Variants in EPB41L3 observed in about 807,000 individuals in gnomAD.
EPB41L3 encodes band 4.1-like protein 3.
EPB41L3 carries 57 observed loss-of-function variants against 127.1 expected under a neutral mutation model. That is an observed-to-expected ratio of 0.45 (90% CI 0.36 to 0.56). The LOEUF is 0.56. Ranked by LOEUF, EPB41L3 falls within the 20% of genes least tolerant of loss-of-function variation. EPB41L3 has a pLI of 0.00. For synonymous variants in EPB41L3, 572 were observed against 549.5 expected, an observed-to-expected ratio of 1.04 and a Z score of -0.57; for missense variants, 1,273 against 1,372.2, an observed-to-expected ratio of 0.93 and a Z score of 1.14.
At chr18:5,526,997 A>G (rs138348311) in intron 1 of EPB41L3, among the ~76,000 whole-genome samples, 7 of 148,312 alleles carry the variant, frequency 4.7e-5, no homozygotes, top group African/African-American at 1.8e-4. Flanking sequence ...AAGACAATAG[A>G]ATATTCATTG....
chr18:5,606,516 G>T (rs1437431008), intron 3 of EPB41L3, among the ~76,000 whole-genome samples: 1 of 152,134 alleles, frequency 6.6e-6, no homozygotes, highest in Non-Finnish European at 1.5e-5. Flanking sequence ...TAAAGGAAAT[G>T]TACAAACTTT....
intron 1 of EPB41L3, among the ~76,000 whole-genome samples, chr18:5,617,640 G>C (rs577536460): frequency 6.6e-6 from 1 of 152,170 alleles, no homozygotes; most frequent in Non-Finnish European, 1.5e-5. Context: ...TTTTTTAAAC[G>C]CAAATAACAA....
chr18:5,497,357 G>A (rs2091275587), intron 1 of EPB41L3, among the ~76,000 whole-genome samples: 1 of 152,288 alleles, frequency 6.6e-6, no homozygotes, highest in South Asian at 2.1e-4. Flanking sequence ...AGTGACTAGG[G>A]GATGGCAACA....
At chr18:5,601,353 G>T (rs2094588965) in intron 3 of EPB41L3, among the ~76,000 whole-genome samples, 1 of 152,118 alleles carries the variant, frequency 6.6e-6, no homozygotes, top group South Asian at 2.1e-4. Context: ...CTGCTAAGTT[G>T]CCTCCCCCTG....
At chr18:5,447,909 A>C (rs1037224629) in intron 3 of EPB41L3, among the ~76,000 whole-genome samples, 2 of 152,204 alleles carry the variant, frequency 1.3e-5, no homozygotes, top group Non-Finnish European at 2.9e-5. Flanking sequence ...AGACAATAAC[A>C]TACTAGTCCA....
chr18:5,447,982 A>G (rs1030099984), intron 3 of EPB41L3, among the ~76,000 whole-genome samples: 2 of 151,998 alleles, frequency 1.3e-5, no homozygotes, highest in Non-Finnish European at 2.9e-5. Context: ...TCAGCTGTAG[A>G]TGGTTATATC....
intron 2 of EPB41L3, among the ~76,000 whole-genome samples, chr18:5,479,324 G>A (rs1489167208): frequency 6.6e-6 from 1 of 152,200 alleles, no homozygotes; most frequent in Non-Finnish European, 1.5e-5. Flanking sequence ...CAGTCCAAAG[G>A]AAGACATGCA....
chr18:5,557,508 C>T (rs1432562407), intron 3 of EPB41L3, among the ~76,000 whole-genome samples: 2 of 152,164 alleles, frequency 1.3e-5, no homozygotes, highest in Non-Finnish European at 2.9e-5. Context: ...CCTCAGCCTC[C>T]CGAGTAGCTG....
At chr18:5,538,138 C>T (rs537326195) in intron 1 of EPB41L3, among the ~76,000 whole-genome samples, 5 of 152,260 alleles carry the variant, frequency 3.3e-5, no homozygotes, top group Non-Finnish European at 5.9e-5. Context: ...TTATTCAACG[C>T]ATAAAGAAAA....
intron 3 of EPB41L3, among the ~76,000 whole-genome samples, chr18:5,554,401 T>C (rs1031967292): frequency 6.6e-6 from 1 of 152,152 alleles, no homozygotes; most frequent in South Asian, 2.1e-4. Context: ...AGGATACAAG[T>C]ATAAAATTGA....
chr18:5,393,231 A>G lies in EPB41L3; in HGVS notation c.*254T>C. 2.4e-6 allele frequency: 1 copy of G among 415,556 alleles called. No individual in the cohort carries two copies. The highest frequency in any genetic ancestry group is 3.6e-5 in the East Asian group (1 of 27,536). 25.7% of individuals were successfully genotyped at this position (415,556 alleles called of 1,614,324 possible). On this transcript the variant is annotated 3_prime_UTR_variant, in exon 23 of 23. Coordinates refer to ENST00000341928, the MANE Select transcript of EPB41L3 (RefSeq NM_012307.5). ...AAACTGAGACATTTTGTGAAAATTA[A>G]AAATGCTGCTCTTTTGTAATTTTAT...
intron 1 of EPB41L3, among the ~76,000 whole-genome samples, chr18:5,535,553 T>C (rs1284322713): frequency 6.6e-6 from 1 of 152,204 alleles, no homozygotes; most frequent in Non-Finnish European, 1.5e-5. Flanking sequence ...AAACTCCCTA[T>C]ATCTCTGGGA....
Position 5,543,939 on chromosome 18 carries a change from G to A in EPB41L3, c.-38C>T. 1.0e-6 allele frequency: 1 copy of A among 985,726 alleles called. No homozygotes were observed. Among genetic ancestry groups the A allele is most frequent in the Non-Finnish European group, 1.2e-6 (1 of 830,096 alleles). The allele number at this position is 985,726 out of a possible 1,614,324, so 61.1% of individuals were successfully genotyped here. On this transcript the variant is annotated 5_prime_UTR_variant, in exon 1 of 23. Transcript: ENST00000341928. The surrounding 1 kb of genome is among the most constrained non-coding windows in gnomAD (Gnocchi z 5.2). The stretch of plus-strand genomic sequence containing the variant: ...TGGGATCAGCAGGGAGCCCGGGCGC[G>A]CCGCGGCGTGGGGACTAGGCTCGGG...
At chr18:5,523,079 C>A (rs1342598163) in intron 1 of EPB41L3, among the ~76,000 whole-genome samples, 1 of 152,090 alleles carries the variant, frequency 6.6e-6, no homozygotes, top group Non-Finnish European at 1.5e-5. Flanking sequence ...CAGGGATATG[C>A]AAAATGACTA....
chr18:5,544,251 C>T (rs2093837573), upstream of EPB41L3: 2 of 985,638 alleles, frequency 2.0e-6, no homozygotes, highest in Admixed American at 1.2e-4. Flanking sequence ...CGCCTGGAGA[C>T]AGCTGCCAAT....
chr18:5,429,820 A>G (rs528366473), intron 8 of EPB41L3, among the ~76,000 whole-genome samples: 1 of 152,296 alleles, frequency 6.6e-6, no homozygotes, highest in South Asian at 2.1e-4. Flanking sequence ...CTTTAATTTG[A>G]AAGAGTGATT....
rs1023905195 is a variant in EPB41L3 at position 5,408,062 on chromosome 18, G to A, written c.2122-326C>T. ...TTAGAAATAGTTCAGGAAGTGGGGG[G>A]AGCCAGATTAAAATTAAAATTTGTA... On this transcript the variant is annotated intron_variant, in intron 14 of 22. Transcript: ENST00000341928. 3.9e-5 allele frequency among the ~76,000 whole-genome samples: 6 copies of A among 152,108 alleles called. 1 individual carries two copies. The East Asian group carries it at 5.8e-4, about 15-fold the overall frequency.
intron 3 of EPB41L3, among the ~76,000 whole-genome samples, chr18:5,463,171 A>G (rs1259639950): frequency 6.6e-6 from 1 of 152,186 alleles, no homozygotes; most frequent in Non-Finnish European, 1.5e-5. Context: ...GTTCTTTACA[A>G]TAGAGCTGAC....
Position 5,397,195 on chromosome 18 carries a change from T to TA in EPB41L3, c.2703dup (p.Lys902Ter). 1 of 1,614,150 alleles carries TA rather than the reference T, an allele frequency of 6.2e-7. No individual in the cohort carries two copies. The highest frequency in any genetic ancestry group is 8.5e-7 in the Non-Finnish European group (1 of 1,180,018). ...GCGACCTCCTCCCCTCCTTCCTCTTTAGCCCCCTCCGTCAAGGCAGAGCCC... is the reference window on the plus strand; with the variant it reads ...GCGACCTCCTCCCCTCCTTCCTCTTTAAGCCCCCTCCGTCAAGGCAGAGCCC... On this transcript the variant is annotated frameshift_variant, in exon 18 of 23. Transcript: ENST00000341928. LOFTEE classifies it high-confidence loss of function. The surrounding 1 kb of genome is among the most constrained non-coding windows in gnomAD (Gnocchi z 4.1).
Sources: gnomAD v4.1 joint callset for allele counts (sites outside exome capture counted in the v4.1 genomes callset) on GRCh38, gnomAD v4.1.1 for gene constraint, Gnocchi (gnomAD v3.1) non-coding constraint, MANE v1.5 for transcripts, NCBI Gene and HGNC (gene_info 2026-07-23, HGNC 2026-07-21) for gene names.